Variants in BMPR1B observed in about 807,000 individuals in gnomAD.
The protein encoded by BMPR1B is bone morphogenetic protein receptor type 1B, also known as bone morphogenetic protein receptor type-1B.
BMPR1B carries 12 observed loss-of-function variants against 59.1 expected under a neutral mutation model. That is an observed-to-expected ratio of 0.20 (90% CI 0.13 to 0.33). The LOEUF (loss-of-function observed/expected upper bound fraction) is 0.33, where lower values mean the gene tolerates loss of function less well. BMPR1B is among the 10% of genes least tolerant of loss of function. The pLI is 1.00. For missense variants in BMPR1B, 550 were observed against 610.9 expected, an observed-to-expected ratio of 0.90 and a Z score of 1.05; for synonymous variants, 237 against 207.3, an observed-to-expected ratio of 1.14 and a Z score of -1.23.
At chr4:94,841,962 GATA>G (rs1286652862) in intron 1 of BMPR1B, among the ~76,000 whole-genome samples, 1 of 152,128 alleles carries the variant, frequency 6.6e-6, no homozygotes, top group African/African-American at 2.4e-5. Flanking sequence ...AGGACGTTAT[GATA>G]ATAATAACAT....
intron 1 of BMPR1B, among the ~76,000 whole-genome samples, chr4:94,868,578 G>T (rs1726350747): frequency 6.6e-6 from 1 of 152,204 alleles, no homozygotes; most frequent in Non-Finnish European, 1.5e-5. Context: ...CCTTGGAAGG[G>T]ACCAATAAGT....
intron 2 of BMPR1B, among the ~76,000 whole-genome samples, chr4:94,976,485 A>G (rs1578872125): frequency 6.6e-6 from 1 of 152,182 alleles, no homozygotes; most frequent in African/African-American, 2.4e-5. Flanking sequence ...AACCACTTAT[A>G]TAGCTCTCCT....
intron 3 of BMPR1B, among the ~76,000 whole-genome samples, chr4:95,007,079 C>T (rs1410525014): frequency 6.6e-6 from 1 of 152,046 alleles, no homozygotes; most frequent in Non-Finnish European, 1.5e-5. Context: ...ATATTATTCT[C>T]ATGTTATTTT....
intron 1 of BMPR1B, among the ~76,000 whole-genome samples, chr4:94,868,084 A>C (rs975869080): frequency 6.6e-6 from 1 of 150,992 alleles, no homozygotes; most frequent in African/African-American, 2.4e-5. Flanking sequence ...TCTAATCTAG[A>C]AGTTTTGGGC....
chr4:95,010,500 G>C (rs1160393601), intron 3 of BMPR1B, among the ~76,000 whole-genome samples: 1 of 152,042 alleles, frequency 6.6e-6, no homozygotes, highest in African/African-American at 2.4e-5. Flanking sequence ...AGTGTCTTTT[G>C]CTCTCATTAG....
rs148272603 is a variant in BMPR1B, at chr4:94,897,216, G to A, written c.-113+21316G>A. On this transcript the variant is annotated intron_variant, in intron 2 of 12. Transcript: ENST00000515059. Reference sequence around the variant, plus strand: ...CCCCAGTCTGGAATGACATGACTTGGCTTCTGTCCCAGCTCTTCCTGCTTA... The same window carrying A: ...CCCCAGTCTGGAATGACATGACTTGACTTCTGTCCCAGCTCTTCCTGCTTA... 3.0e-3 allele frequency among the ~76,000 whole-genome samples: 462 copies of A among 152,156 alleles called. 3 individuals carry two copies. The highest frequency in any genetic ancestry group is 6.8e-3 in the Middle Eastern group (2 of 294).
chr4:94,933,550 A>G (rs781636481), intron 2 of BMPR1B, among the ~76,000 whole-genome samples: 28 of 152,192 alleles, frequency 1.8e-4, no homozygotes, highest in Middle Eastern at 3.4e-3. Context: ...ACTATAAGAC[A>G]TATCTACTGC....
chr4:95,125,720 T>A (rs1421137169), intron 8 of BMPR1B, among the ~76,000 whole-genome samples: 2 of 152,218 alleles, frequency 1.3e-5, no homozygotes, highest in Admixed American at 1.3e-4. Flanking sequence ...TCTTGGAATT[T>A]AAACTGAGTT....
chr4:95,137,276 G>C (rs1733867729), intron 10 of BMPR1B, among the ~76,000 whole-genome samples: 1 of 152,212 alleles, frequency 6.6e-6, no homozygotes, highest in South Asian at 2.1e-4. Context: ...CTGAGAGATA[G>C]TTTGTTATAA....
intron 1 of BMPR1B, among the ~76,000 whole-genome samples, chr4:94,859,922 G>T (rs1324244210): frequency 6.6e-6 from 1 of 151,914 alleles, no homozygotes; most frequent in South Asian, 2.1e-4. Context: ...CTTTTCCTGG[G>T]TCTCCAGGAG....
At chr4:94,972,040 AG>A (rs1730810372) in intron 2 of BMPR1B, among the ~76,000 whole-genome samples, 2 of 151,688 alleles carry the variant, frequency 1.3e-5, no homozygotes, top group Admixed American at 6.6e-5. Flanking sequence ...AAGGAAATAG[AG>A]GAACTAATTA....
chr4:94,926,753 G>A (rs1453415635), intron 2 of BMPR1B, among the ~76,000 whole-genome samples: 22 of 151,502 alleles, frequency 1.5e-4, no homozygotes, highest in Admixed American at 1.4e-3. Flanking sequence ...TGCTTTTTGT[G>A]GTTTAAAAAA....
At chr4:95,093,126 G>A (rs1460653961) in intron 3 of BMPR1B, among the ~76,000 whole-genome samples, 1 of 152,058 alleles carries the variant, frequency 6.6e-6, no homozygotes, top group Non-Finnish European at 1.5e-5. Context: ...CTGAGATTAT[G>A]CTATTTTGTG....
intron 2 of BMPR1B, among the ~76,000 whole-genome samples, chr4:94,935,425 T>A (rs927402244): frequency 2.0e-5 from 3 of 152,224 alleles, no homozygotes; most frequent in African/African-American, 7.2e-5. Context: ...GGCACCCTTC[T>A]AGGCACCGTT....
chr4:94,843,636 A>T (rs569753247), intron 1 of BMPR1B, among the ~76,000 whole-genome samples: 65 of 151,880 alleles, frequency 4.3e-4, no homozygotes, highest in African/African-American at 1.5e-3. Flanking sequence ...TTTGGTTATT[A>T]TTGTATGTGT....
intron 3 of BMPR1B, among the ~76,000 whole-genome samples, chr4:95,099,901 CTCG>C (rs1730700597): frequency 6.6e-6 from 1 of 152,184 alleles, no homozygotes. Context: ...ATTCCCATCT[CTCG>C]TCTGTATAAG....
chr4:94,835,618 T>A (rs1473969493), intron 1 of BMPR1B, among the ~76,000 whole-genome samples: 1 of 151,812 alleles, frequency 6.6e-6, no homozygotes, highest in African/African-American at 2.4e-5. Context: ...AATATATTTT[T>A]AGATTCAAAT....
chr4:94,846,916 C>T (rs111566855), intron 1 of BMPR1B, among the ~76,000 whole-genome samples: 17,090 of 151,622 alleles, frequency 0.11, 1,025 homozygotes, highest in Non-Finnish European at 0.13. Flanking sequence ...TAATACTCCA[C>T]AGGCACAGGC....
intron 2 of BMPR1B, among the ~76,000 whole-genome samples, chr4:94,968,213 A>G (rs1277344701): frequency 6.6e-6 from 1 of 152,172 alleles, no homozygotes; most frequent in Non-Finnish European, 1.5e-5. Flanking sequence ...GCCAAAGACT[A>G]AAGTGATTAA....
Sources: gnomAD v4.1 joint callset for allele counts (sites outside exome capture counted in the v4.1 genomes callset) on GRCh38, gnomAD v4.1.1 for gene constraint, MANE v1.5 for transcripts, NCBI Gene and HGNC (gene_info 2026-07-23, HGNC 2026-07-21) for gene names.